ADD3: variants seen among roughly 807,000 people sequenced by gnomAD.
ADD3 encodes the protein adducin 3.
ADD3 carries 25 observed loss-of-function variants against 80.2 expected under a neutral mutation model. The ratio of observed to expected loss-of-function variants is 0.31; its 90% confidence interval spans 0.23 to 0.44. The LOEUF (loss-of-function observed/expected upper bound fraction) is 0.44, where lower values mean the gene tolerates loss of function less well. Ranked by LOEUF, ADD3 falls within the 20% of genes least tolerant of loss-of-function variation. The pLI, the probability that ADD3 is intolerant of heterozygous loss-of-function variation, is 1.00. For missense variants in ADD3, 829 were observed against 847.5 expected, an observed-to-expected ratio of 0.98 and a Z score of 0.27; for synonymous variants, 284 against 289.6, an observed-to-expected ratio of 0.98 and a Z score of 0.20.
upstream of ADD3, among the ~76,000 whole-genome samples, chr10:110,003,240 A>G (rs1308405206): frequency 6.6e-6 from 1 of 151,998 alleles, no homozygotes; most frequent in Non-Finnish European, 1.5e-5. Flanking sequence ...TGGCATATGC[A>G]TATTTCCCAA....
At chr10:110,100,368 A>G (rs1421961862) in intron 1 of ADD3, among the ~76,000 whole-genome samples, 5 of 150,970 alleles carry the variant, frequency 3.3e-5, no homozygotes, top group Non-Finnish European at 7.4e-5. Flanking sequence ...AAAAAAAAAA[A>G]GGCAGTTGAT....
upstream of ADD3, chr10:110,005,669 A>G (rs1046297878): frequency 2.0e-5 from 3 of 152,196 alleles, no homozygotes; most frequent in Admixed American, 6.5e-5. Flanking sequence ...CATTACCCCA[A>G]TGTTTGAAAT....
At chr10:110,127,017 G>A (rs1852261639) in intron 12 of ADD3, among the ~76,000 whole-genome samples, 1 of 152,186 alleles carries the variant, frequency 6.6e-6, no homozygotes, top group Non-Finnish European at 1.5e-5. Flanking sequence ...TTCAGAGATG[G>A]AAAAAGTTCA....
At chr10:110,116,122 A>G in intron 3 of ADD3, 137 bp from the exon 4 acceptor site, 1 of 744,142 alleles carries the variant, frequency 1.3e-6, no homozygotes, top group Non-Finnish European at 2.2e-6. Flanking sequence ...CTAATAAAAT[A>G]TTATATGGGC....
At chr10:110,032,912 T>C (rs1855218349) in intron 1 of ADD3, among the ~76,000 whole-genome samples, 1 of 152,202 alleles carries the variant, frequency 6.6e-6, no homozygotes, top group South Asian at 2.1e-4. Context: ...ACACACATTA[T>C]GATTAAGAGA....
chr10:110,127,768 C>T (rs559534132), intron 12 of ADD3, among the ~76,000 whole-genome samples: 1 of 152,268 alleles, frequency 6.6e-6, no homozygotes, highest in African/African-American at 2.4e-5. Context: ...TGGAGGATTC[C>T]TGTGCTGCTG....
Position 110,119,256 on chromosome 10 carries a change from C to T in ADD3, c.763C>T (p.Leu255Phe). 1 of 1,614,156 alleles carries T rather than the reference C, an allele frequency of 6.2e-7. No individual in the cohort carries two copies. Among genetic ancestry groups the T allele is most frequent in the South Asian group, 1.1e-5 (1 of 91,074 alleles). The change falls in exon 7 of 15, where the codon CTT becomes TTT. Residue 255 changes from leucine (L) to phenylalanine (F), a missense_variant. By Grantham distance (22) the Leu-to-Phe change is conservative. Coordinates refer to ENST00000356080, the MANE Select transcript of ADD3 (RefSeq NM_016824.5). ...GATCCTTCCAATTTCTCAAGAGTCT[C>T]TTCTTCTGGGAGATGTTGCCTATTA... is the stretch of plus-strand genomic sequence containing the variant. ...CGILPISQES[L>F]LLGDVAYYDY...
chr10:110,080,845 C>A (rs1186851537), intron 1 of ADD3, among the ~76,000 whole-genome samples: 1 of 152,202 alleles, frequency 6.6e-6, no homozygotes, highest in Admixed American at 6.5e-5. Context: ...GCTGAGGAAG[C>A]TGCTTTAGAG....
intron 1 of ADD3, among the ~76,000 whole-genome samples, chr10:110,063,749 A>ATATATATATATATG (rs1214391574): frequency 2.3e-5 from 1 of 43,810 alleles, no homozygotes; most frequent in East Asian, 1.4e-3. Context: ...ATATATATAT[A>ATATATATATATATG]TATATATATA....
chr10:110,014,641 C>T (rs2133002142), intron 1 of ADD3, among the ~76,000 whole-genome samples: 1 of 152,004 alleles, frequency 6.6e-6, no homozygotes, highest in Admixed American at 6.5e-5. Flanking sequence ...ATTCTCCTGC[C>T]TCAGCCTTCC....
At chr10:110,100,119 TG>T (rs909455992) in intron 1 of ADD3, among the ~76,000 whole-genome samples, 1 of 152,016 alleles carries the variant, frequency 6.6e-6, no homozygotes, top group Admixed American at 6.5e-5. Context: ...GAGGCCGAGG[TG>T]GGCAGACCAT....
At chr10:110,099,121 G>A (rs948743260) in intron 1 of ADD3, among the ~76,000 whole-genome samples, 14 of 145,800 alleles carry the variant, frequency 9.6e-5, no homozygotes, top group Non-Finnish European at 1.3e-4. Flanking sequence ...TAGAGACAGG[G>A]TTTCACTATG....
intron 1 of ADD3, among the ~76,000 whole-genome samples, chr10:110,087,407 C>T (rs1846918220): frequency 2.0e-5 from 3 of 152,184 alleles, no homozygotes; most frequent in Admixed American, 2.0e-4. Context: ...TTAGTAACTG[C>T]TTTAACAGTG....
chr10:110,031,008 G>T (rs544444127), intron 1 of ADD3, among the ~76,000 whole-genome samples: 3 of 152,006 alleles, frequency 2.0e-5, no homozygotes, highest in African/African-American at 7.2e-5. Context: ...AGGCACGGTG[G>T]CTCACGCCTG....
At chr10:110,103,234 T>C (rs1023431533) in intron 2 of ADD3, among the ~76,000 whole-genome samples, 1 of 152,244 alleles carries the variant, frequency 6.6e-6, no homozygotes, top group African/African-American at 2.4e-5. Flanking sequence ...GTATTAGTTA[T>C]CTACTGCTGA....
chr10:110,047,073 T>C (rs1856986951), intron 1 of ADD3, among the ~76,000 whole-genome samples: 1 of 152,200 alleles, frequency 6.6e-6, no homozygotes, highest in Non-Finnish European at 1.5e-5. Context: ...CTCTTTGTGA[T>C]AGATATTTTA....
At chr10:110,009,729 G>C (rs1852105441) in intron 1 of ADD3, among the ~76,000 whole-genome samples, 1 of 152,226 alleles carries the variant, frequency 6.6e-6, no homozygotes. Flanking sequence ...TCTTTCTGAA[G>C]AGTTCAGTCT....
At chr10:110,019,638 GCCACTGT>G (rs1853430732) in intron 1 of ADD3, among the ~76,000 whole-genome samples, 1 of 152,232 alleles carries the variant, frequency 6.6e-6, no homozygotes. Context: ...ACAGGCGTGA[GCCACTGT>G]GCCTGGCTAG....
At chr10:110,033,888 C>G (rs188313579) in intron 1 of ADD3, among the ~76,000 whole-genome samples, 97 of 152,278 alleles carry the variant, frequency 6.4e-4, no homozygotes, top group East Asian at 1.4e-3. Context: ...ATCATTAGTT[C>G]TAAGAGATTT....
Sources: allele counts gnomAD v4.1 joint callset (sites outside exome capture counted in the v4.1 genomes callset), GRCh38; gene constraint gnomAD v4.1.1; transcripts MANE v1.5; gene names NCBI Gene and HGNC (gene_info 2026-07-23, HGNC 2026-07-21).